RABGAP1L: variants seen among roughly 807,000 people sequenced by gnomAD.
RABGAP1L encodes RAB GTPase activating protein 1 like.
Under a neutral mutation model 137.7 loss-of-function variants are expected in RABGAP1L, and 63 were observed. The ratio of observed to expected loss-of-function variants is 0.46; its 90% CI spans 0.37 to 0.56. The LOEUF (loss-of-function observed/expected upper bound fraction) is 0.56, where lower values mean the gene tolerates loss of function less well. Among genes scored for constraint, RABGAP1L ranks in the 20% least tolerant of loss-of-function variants. The pLI, the probability that RABGAP1L is intolerant of heterozygous loss-of-function variation, is 0.00. For synonymous variants in RABGAP1L, 431 were observed against 433.7 expected, an observed-to-expected ratio of 0.99 and a Z score of 0.08; for missense variants, 1,095 against 1,244.0, an observed-to-expected ratio of 0.88 and a Z score of 1.80.
intron 14 of RABGAP1L, among the ~76,000 whole-genome samples, chr1:174,678,609 A>G (rs1311356321): frequency 2.0e-5 from 3 of 152,232 alleles, no homozygotes; most frequent in African/African-American, 7.2e-5. Context: ...TAATATGATC[A>G]TTATGTTACT....
intron 19 of RABGAP1L, among the ~76,000 whole-genome samples, chr1:174,887,612 T>TGG (rs36031364): frequency 1.3e-5 from 2 of 149,590 alleles, no homozygotes; most frequent in Admixed American, 6.7e-5. Flanking sequence ...TGCAAAAACT[T>TGG]GGGGGGGGGG....
At chr1:174,285,462 C>T (rs1675973947) in intron 10 of RABGAP1L, among the ~76,000 whole-genome samples, 1 of 149,888 alleles carries the variant, frequency 6.7e-6, no homozygotes, top group African/African-American at 2.4e-5. Flanking sequence ...TATAGAAATA[C>T]AAGCAAATTT....
intron 13 of RABGAP1L, among the ~76,000 whole-genome samples, chr1:174,570,772 C>A (rs1490855608): frequency 6.6e-6 from 1 of 152,026 alleles, no homozygotes; most frequent in African/African-American, 2.4e-5. Context: ...CAGGCAATAC[C>A]CAATGCTAGC....
Position 174,684,180 on chromosome 1 carries a change from C to T in RABGAP1L, c.1899+584C>T, listed in dbSNP as rs571850928. Among the ~76,000 whole-genome samples, 4 of 152,256 alleles carry T rather than the reference C, an allele frequency of 2.6e-5. No individual in the cohort carries two copies. The East Asian group carries it at 7.7e-4, about 29-fold the overall frequency. On this transcript the variant is annotated intron_variant, in intron 15 of 25. Coordinates refer to ENST00000681986, the MANE Select transcript of RABGAP1L (RefSeq NM_001366446.1). The stretch of plus-strand genomic sequence containing the variant: ...TTTCTGATGACAAAAATAATACATA[C>T]TCATTAAATAACTTACAGTATGCTA...
intron 13 of RABGAP1L, among the ~76,000 whole-genome samples, chr1:174,507,627 C>G (rs767771593): frequency 6.6e-6 from 1 of 151,912 alleles, no homozygotes; most frequent in Non-Finnish European, 1.5e-5. Context: ...GAAAAAAAAT[C>G]AAACCAAAGA....
At chr1:174,203,149 A>G (rs1050531418) in intron 1 of RABGAP1L, among the ~76,000 whole-genome samples, 2 of 152,158 alleles carry the variant, frequency 1.3e-5, no homozygotes, top group Non-Finnish European at 2.9e-5. Context: ...TTTTACACTT[A>G]AGTCTTTAGT....
At chr1:174,293,263 A>G (rs1676796060) in intron 10 of RABGAP1L, among the ~76,000 whole-genome samples, 1 of 152,122 alleles carries the variant, frequency 6.6e-6, no homozygotes, top group Non-Finnish European at 1.5e-5. Context: ...AAATCTAAGG[A>G]CTTGTAACAT....
At chr1:174,738,285 G>T (rs1204983102) in intron 17 of RABGAP1L, among the ~76,000 whole-genome samples, 1 of 152,110 alleles carries the variant, frequency 6.6e-6, no homozygotes, top group East Asian at 1.9e-4. Flanking sequence ...ACACTTCACT[G>T]GTTATTTCCC....
At chr1:174,934,139 A>T (rs1664322315) in intron 19 of RABGAP1L, among the ~76,000 whole-genome samples, 1 of 152,070 alleles carries the variant, frequency 6.6e-6, no homozygotes, top group South Asian at 2.1e-4. Context: ...CCCAGGCTGG[A>T]GTACAATGGC....
intron 7 of RABGAP1L, among the ~76,000 whole-genome samples, chr1:174,267,851 G>T (rs1211126515): frequency 6.6e-6 from 1 of 152,054 alleles, no homozygotes; most frequent in Admixed American, 6.5e-5. Context: ...ATTTTTAAAG[G>T]TTACTGAAGA....
At chr1:174,688,906 A>T (rs1275569711) in intron 15 of RABGAP1L, among the ~76,000 whole-genome samples, 1 of 152,142 alleles carries the variant, frequency 6.6e-6, no homozygotes, top group Non-Finnish European at 1.5e-5. Flanking sequence ...TATTTTTAGG[A>T]TGCTAGATAG....
chr1:174,249,802 C>T (rs1399617211), intron 5 of RABGAP1L, among the ~76,000 whole-genome samples: 1 of 151,944 alleles, frequency 6.6e-6, no homozygotes, highest in African/African-American at 2.4e-5. Context: ...ACCACCATGC[C>T]CTGCTAATTT....
rs1324462096 is a variant in RABGAP1L at position 174,839,332 on chromosome 1, C to T, written c.2340+27372C>T. Among the ~76,000 whole-genome samples, 2 of 152,160 alleles carry T rather than the reference C, an allele frequency of 1.3e-5. 1 individual carries two copies. The highest frequency in any genetic ancestry group is 4.1e-4 in the South Asian group (2 of 4,826). On this transcript the variant is annotated intron_variant, in intron 19 of 25. Coordinates refer to ENST00000681986, the MANE Select transcript of RABGAP1L (RefSeq NM_001366446.1). ...AATAGCTGTTCCCAGTTACCCCTCT[C>T]ACATGCACATCCACACACAGATACT...
intron 13 of RABGAP1L, among the ~76,000 whole-genome samples, chr1:174,410,652 A>G (rs895935031): frequency 3.3e-5 from 5 of 152,102 alleles, no homozygotes; most frequent in African/African-American, 4.8e-5. Flanking sequence ...AGCCTTATAT[A>G]TAGTATGAAT....
intron 18 of RABGAP1L, among the ~76,000 whole-genome samples, chr1:174,790,448 A>AC (rs1281792056): frequency 6.6e-6 from 1 of 151,924 alleles, no homozygotes; most frequent in Non-Finnish European, 1.5e-5. Context: ...ACATGGTGAA[A>AC]CCCCGTCTCT....
At chr1:174,780,655 G>A (rs927170807) in intron 18 of RABGAP1L, among the ~76,000 whole-genome samples, 5 of 151,358 alleles carry the variant, frequency 3.3e-5, no homozygotes, top group Admixed American at 1.3e-4. Context: ...TGCCATGTTG[G>A]TGTGCTGCAC....
At chr1:174,778,328 T>G (rs760464167) in intron 18 of RABGAP1L, among the ~76,000 whole-genome samples, 9 of 152,170 alleles carry the variant, frequency 5.9e-5, no homozygotes, top group African/African-American at 1.9e-4. Flanking sequence ...TGAAATGCTT[T>G]TATAGACATA....
At chr1:174,826,267 C>T (rs1691554864) in intron 19 of RABGAP1L, among the ~76,000 whole-genome samples, 2 of 152,160 alleles carry the variant, frequency 1.3e-5, no homozygotes, top group Admixed American at 1.3e-4. Flanking sequence ...GTTTCACTCT[C>T]ATTGCCCAGG....
intron 10 of RABGAP1L, among the ~76,000 whole-genome samples, chr1:174,297,693 A>C (rs1677256871): frequency 6.6e-6 from 1 of 152,196 alleles, no homozygotes; most frequent in East Asian, 1.9e-4. Context: ...GGTTTCCAGC[A>C]GAAGGGGCCA....
Sources: gnomAD v4.1 joint callset for allele counts (sites outside exome capture counted in the v4.1 genomes callset) on GRCh38, gnomAD v4.1.1 for gene constraint, MANE v1.5 for transcripts, NCBI Gene and HGNC (gene_info 2026-07-23, HGNC 2026-07-21) for gene names.